The following ELMO1 variants were observed in gnomAD, a reference collection of about 807,000 sequenced individuals.
ELMO1 encodes engulfment and cell motility 1.
In ELMO1, 26 loss-of-function variants were observed where a neutral mutation model predicts 98.9. The ratio of observed to expected loss-of-function variants is 0.26; its 90% CI spans 0.19 to 0.36. The LOEUF is 0.36. ELMO1 is among the 10% of genes least tolerant of loss of function. The pLI, the probability that ELMO1 is intolerant of heterozygous loss-of-function variation, is 1.00. For missense variants in ELMO1, 627 were observed against 935.2 expected (o/e 0.67, Z 4.30); for synonymous variants, 346 against 346.0 (o/e 1.00, Z 0.00).
At chr7:37,237,250 T>A (rs566409254) in intron 7 of ELMO1, among the ~76,000 whole-genome samples, 3 of 152,224 alleles carry the variant, frequency 2.0e-5, no homozygotes, top group Admixed American at 2.0e-4. Flanking sequence ...TGCTTCCAAA[T>A]GTTTCCATGG....
At chr7:37,115,229 G>A (rs556490579) in intron 14 of ELMO1, among the ~76,000 whole-genome samples, 4 of 152,222 alleles carry the variant, frequency 2.6e-5, no homozygotes, top group African/African-American at 7.2e-5. Context: ...GAAGCAGAAG[G>A]AGTAGTTCTT....
intron 10 of ELMO1, among the ~76,000 whole-genome samples, chr7:37,221,961 G>C (rs1391849310): frequency 1.3e-5 from 2 of 152,180 alleles, no homozygotes; most frequent in African/African-American, 4.8e-5. Context: ...GCTTCCCAAA[G>C]GGCTGGGACT....
intron 15 of ELMO1, among the ~76,000 whole-genome samples, chr7:37,029,111 G>A (rs565235710): frequency 9.8e-5 from 15 of 152,286 alleles, no homozygotes; most frequent in African/African-American, 3.6e-4. Flanking sequence ...CGTACGTGCA[G>A]GAGGCAAGCA....
intron 13 of ELMO1, among the ~76,000 whole-genome samples, chr7:37,139,017 T>C (rs1483742350): frequency 2.0e-5 from 3 of 152,098 alleles, no homozygotes; most frequent in Non-Finnish European, 2.9e-5. Flanking sequence ...TTTGACAGAA[T>C]CCAACATCGC....
At chr7:37,310,861 G>A (rs556618956) in intron 4 of ELMO1, among the ~76,000 whole-genome samples, 8 of 152,230 alleles carry the variant, frequency 5.3e-5, no homozygotes, top group East Asian at 1.9e-4. Context: ...CACTTTTCTC[G>A]TAAAATGAAG....
At chr7:37,199,903 G>A (rs942076948) in intron 13 of ELMO1, among the ~76,000 whole-genome samples, 3 of 152,102 alleles carry the variant, frequency 2.0e-5, no homozygotes, top group Non-Finnish European at 2.9e-5. Flanking sequence ...ATGGCCCCAC[G>A]AGACCTTGAG....
At chr7:37,276,928 T>G (rs1796868341) in intron 4 of ELMO1, among the ~76,000 whole-genome samples, 1 of 152,208 alleles carries the variant, frequency 6.6e-6, no homozygotes, top group African/African-American at 2.4e-5. Flanking sequence ...CATCAATAAG[T>G]GCTGTCTATG....
At chr7:37,401,938 C>G (rs1305448071) in intron 1 of ELMO1, among the ~76,000 whole-genome samples, 1 of 152,156 alleles carries the variant, frequency 6.6e-6, no homozygotes. Flanking sequence ...CAGTTCATTA[C>G]AATTAGATCA....
intron 11 of ELMO1, among the ~76,000 whole-genome samples, chr7:37,215,476 T>C (rs1222005793): frequency 6.6e-6 from 1 of 152,156 alleles, no homozygotes; most frequent in Non-Finnish European, 1.5e-5. Flanking sequence ...ACTCCTTTCA[T>C]ATGCAAATGA....
chr7:36,917,845 T>A (rs912737279), intron 16 of ELMO1, among the ~76,000 whole-genome samples: 1 of 152,156 alleles, frequency 6.6e-6, no homozygotes, highest in Non-Finnish European at 1.5e-5. Flanking sequence ...GTCTATCAAC[T>A]GGGGAAGATA....
chr7:37,041,169 T>A (rs1795485480), intron 15 of ELMO1, among the ~76,000 whole-genome samples: 1 of 152,074 alleles, frequency 6.6e-6, no homozygotes, highest in Non-Finnish European at 1.5e-5. Flanking sequence ...ATGCAATAGG[T>A]AATGTCAATA....
chr7:37,224,304 CA>C (rs1793751924), intron 9 of ELMO1, among the ~76,000 whole-genome samples: 1 of 152,198 alleles, frequency 6.6e-6, no homozygotes, highest in Admixed American at 6.5e-5. Context: ...AAAAATGCCT[CA>C]AAGACTGCAG....
In ELMO1 at chr7:37,374,420, G is replaced by C. The variant is rs545287899; in HGVS notation, c.-73-31657C>G. 3.3e-5 allele frequency among the ~76,000 whole-genome samples: 5 copies of C among 152,214 alleles called. No individual in the cohort carries two copies. The South Asian group carries it at 1.0e-3, about 32-fold the overall frequency. On this transcript the variant is annotated intron_variant, in intron 1 of 21. Transcript: ENST00000310758. The stretch of plus-strand genomic sequence containing the variant: ...TGCTATAACCAATGCATCATTACTG[G>C]TTGCCAGATAAAAAAGAACATTAGT...
chr7:37,189,734 G>C (rs1791457047), intron 13 of ELMO1, among the ~76,000 whole-genome samples: 2 of 151,798 alleles, frequency 1.3e-5, no homozygotes, highest in Admixed American at 1.3e-4. Flanking sequence ...GCCAAAACTT[G>C]AAAAACAAAA....
At chr7:36,970,469 A>G (rs1425220424) in intron 16 of ELMO1, among the ~76,000 whole-genome samples, 1 of 152,232 alleles carries the variant, frequency 6.6e-6, no homozygotes, top group Non-Finnish European at 1.5e-5. Context: ...AACTTAGTCC[A>G]CTGGAGGCTT....
intron 1 of ELMO1, among the ~76,000 whole-genome samples, chr7:37,389,897 C>G (rs934122198): frequency 6.6e-6 from 1 of 151,986 alleles, no homozygotes; most frequent in Admixed American, 6.6e-5. Context: ...AATTAATCAC[C>G]GTAAGCAGAA....
intron 1 of ELMO1, among the ~76,000 whole-genome samples, chr7:37,382,907 G>A (rs1802638061): frequency 6.6e-6 from 1 of 152,162 alleles, no homozygotes; most frequent in Admixed American, 6.5e-5. Flanking sequence ...CTAATTTGCA[G>A]GGCCCCAGGC....
intron 14 of ELMO1, among the ~76,000 whole-genome samples, chr7:37,097,837 CT>C: frequency 6.6e-6 from 1 of 152,322 alleles, no homozygotes; most frequent in East Asian, 1.9e-4. Flanking sequence ...ACTGGTCCCC[CT>C]GTTCCTATAG....
chr7:37,057,353 T>C (rs1796440269), intron 15 of ELMO1, among the ~76,000 whole-genome samples: 1 of 152,176 alleles, frequency 6.6e-6, no homozygotes, highest in Admixed American at 6.5e-5. Flanking sequence ...GTTAGAAGAC[T>C]GACTCCCTTA....
Sources: gnomAD v4.1 joint callset for allele counts (sites outside exome capture counted in the v4.1 genomes callset) on GRCh38, gnomAD v4.1.1 for gene constraint, MANE v1.5 for transcripts, NCBI Gene and HGNC (gene_info 2026-07-23, HGNC 2026-07-21) for gene names.